TDRD9: variants seen among roughly 807,000 people sequenced by gnomAD.
TDRD9 encodes ATP-dependent RNA helicase TDRD9.
In TDRD9, 124 loss-of-function variants were observed where a neutral mutation model predicts 172.6. The observed-to-expected ratio is 0.72, with a 90% CI of 0.62 to 0.83. The LOEUF (loss-of-function observed/expected upper bound fraction) is 0.83, where lower values mean the gene tolerates loss of function less well. Ranked by LOEUF, TDRD9 falls within the 40% of genes least tolerant of loss-of-function variation. The pLI, the probability that TDRD9 is intolerant of heterozygous loss-of-function variation, is 0.00. For missense variants in TDRD9, 1,479 were observed against 1,714.1 expected (o/e 0.86, Z 2.42); for synonymous variants, 619 against 617.1 (o/e 1.00, Z -0.05).
rs1163448700 is a variant in TDRD9 at position 103,965,548 on chromosome 14, C to T, written c.636C>T (p.Gly212=). 6 of 1,500,580 alleles carry T rather than the reference C, an allele frequency of 4.0e-6. No homozygotes were observed. The Admixed American group carries it at 1.2e-4, about 31-fold the overall frequency. The allele number at this position is 1,500,580 out of a possible 1,614,324, so 93.0% of individuals were successfully genotyped here. ...CCTGGACCCTGGGAGGTGTGGTGGGCTACCAGGTGAGACTGGGAGGGAGGG... is the reference window on the plus strand; with the variant it reads ...CCTGGACCCTGGGAGGTGTGGTGGGTTACCAGGTGAGACTGGGAGGGAGGG... ...ERAWTLGGVV[G]YQVGLEKIAT... Residue 212 remains glycine, a synonymous_variant, in exon 4 of 36, where the codon GGC becomes GGT. Transcript: ENST00000409874.
At chr14:103,946,182 C>G (rs1187956413) in intron 1 of TDRD9, among the ~76,000 whole-genome samples, 1 of 152,004 alleles carries the variant, frequency 6.6e-6, no homozygotes, top group Non-Finnish European at 1.5e-5. Flanking sequence ...GTTGCCCAGG[C>G]TGGTCCTGAA....
intron 1 of TDRD9, among the ~76,000 whole-genome samples, chr14:103,952,208 A>ATATG (rs2031933101): frequency 1.3e-5 from 1 of 75,092 alleles, no homozygotes; most frequent in Non-Finnish European, 2.4e-5. Flanking sequence ...ATATATATAT[A>ATATG]TATATATATA....
At position 103,955,728 on chromosome 14, in the gene TDRD9, G is replaced by A. The variant is rs1448349687; in HGVS notation, c.280G>A (p.Glu94Lys). ...INKYRQLEAQ[E>K]LDVCRSVQPT... ...CAAATACAGACAGCTCGAAGCACAA[G>A]AGCTTGATGTGTGTCGCAGTGTCCA... The change falls in exon 2 of 36, where the codon GAG becomes AAG. Residue 94 changes from glutamate (E) to lysine (K), a missense_variant. Around this residue, in one of 3 missense-constraint regions of TDRD9, gnomAD observed 1,413 missense variants for 1,649.1 expected, o/e 0.86. Transcript: ENST00000409874. 24 of 1,551,324 alleles carry A rather than the reference G, an allele frequency of 1.5e-5. No individual in the cohort carries two copies. The highest frequency in any genetic ancestry group is 2.1e-5 in the Non-Finnish European group (24 of 1,146,860).
At chr14:103,939,676 G>GTTTTTTTTTTTTTTTTTTTTTTTTTTTTT (rs776078510) in intron 1 of TDRD9, 1 of 36,298 alleles carries the variant, frequency 2.8e-5, no homozygotes, top group East Asian at 1.1e-3. Flanking sequence ...AAGTTAGGAG[G>GTTTTTTTTTTTTTTTTTTTTTTTTTTTTT]GTTTTTTTTT....
intron 13 of TDRD9, 78 bp downstream of exon 13, chr14:103,998,806 T>TC (rs1393156556): frequency 2.7e-6 from 2 of 743,214 alleles, no homozygotes; most frequent in Non-Finnish European, 4.6e-6. Context: ...TTTTTTTTTT[T>TC]CTCTGAGACG....
chr14:103,968,141 A>C (rs1052969543), intron 5 of TDRD9, among the ~76,000 whole-genome samples: 1 of 152,166 alleles, frequency 6.6e-6, no homozygotes, highest in Non-Finnish European at 1.5e-5. Context: ...TGTGTTACTG[A>C]CTATATCCTT....
In TDRD9 at chr14:103,955,743, C is replaced by A; in HGVS notation, c.295C>A (p.Arg99Ser). 1.3e-6 allele frequency: 2 copies of A among 1,551,212 alleles called. No individual in the cohort carries two copies. The highest frequency in any genetic ancestry group is 1.2e-5 in the South Asian group (1 of 84,034). The part of the protein sequence containing the change: ...QLEAQELDVC[R>S]SVQPTSGPGP... ...CGAAGCACAAGAGCTTGATGTGTGT[C>A]GCAGTGTCCAACCAACCAGTGGGCC... The change falls in exon 2 of 36, where the codon CGC (arginine) becomes AGC (serine). Residue 99 changes from arginine to serine, a missense_variant. This residue lies in a region of TDRD9 where 1,413 missense variants were observed against 1,649.1 expected (regional missense o/e 0.86). Coordinates refer to ENST00000409874, the MANE Select transcript of TDRD9 (RefSeq NM_153046.3).
At chr14:103,993,580 C>T (rs1473507930) in intron 9 of TDRD9, among the ~76,000 whole-genome samples, 1 of 152,194 alleles carries the variant, frequency 6.6e-6, no homozygotes, top group Non-Finnish European at 1.5e-5. Context: ...TTCTGAGCCT[C>T]TTCCTCTTTC....
intron 8 of TDRD9, among the ~76,000 whole-genome samples, chr14:103,990,914 A>G (rs1595955287): frequency 6.6e-6 from 1 of 152,242 alleles, no homozygotes; most frequent in East Asian, 1.9e-4. Flanking sequence ...AAACTTCTGC[A>G]GATAGTAAGT....
intron 1 of TDRD9, among the ~76,000 whole-genome samples, chr14:103,938,428 A>ATTT (rs1566723213): frequency 2.3e-5 from 1 of 43,480 alleles, no homozygotes; most frequent in African/African-American, 9.8e-5. Flanking sequence ...ATATATATAT[A>ATTT]TATATATATA....
intron 1 of TDRD9, among the ~76,000 whole-genome samples, chr14:103,934,341 GT>G (rs1359375008): frequency 6.6e-6 from 1 of 152,196 alleles, no homozygotes; most frequent in African/African-American, 2.4e-5. Flanking sequence ...CCTTTTGGTC[GT>G]TTAACAGATT....
intron 2 of TDRD9, among the ~76,000 whole-genome samples, chr14:103,961,263 C>G (rs2032494327): frequency 6.6e-6 from 1 of 152,098 alleles, no homozygotes; most frequent in African/African-American, 2.4e-5. Context: ...ACTTGGCAAT[C>G]ACTAGTTAGG....
intron 5 of TDRD9, among the ~76,000 whole-genome samples, chr14:103,967,366 A>AAT: frequency 6.7e-6 from 1 of 150,210 alleles, no homozygotes; most frequent in Non-Finnish European, 1.5e-5. Flanking sequence ...AAAAAAAAAA[A>AAT]AAAAAAAGAT....
At chr14:103,998,250 G>A (rs1407242575) in intron 12 of TDRD9, among the ~76,000 whole-genome samples, 1 of 137,472 alleles carries the variant, frequency 7.3e-6, no homozygotes, top group African/African-American at 2.7e-5. Context: ...CCACCCACAG[G>A]CACACACAGA....
chr14:103,934,833 C>T (rs1316663499), intron 1 of TDRD9, among the ~76,000 whole-genome samples: 1 of 152,172 alleles, frequency 6.6e-6, no homozygotes, highest in Non-Finnish European at 1.5e-5. Flanking sequence ...TTGATGTCCT[C>T]TGTGATGGTT....
intron 28 of TDRD9, among the ~76,000 whole-genome samples, chr14:104,028,248 G>GT (rs1428686432): frequency 6.6e-6 from 1 of 152,102 alleles, no homozygotes; most frequent in Non-Finnish European, 1.5e-5. Flanking sequence ...ACTGTTTTTA[G>GT]TTTTTTGAGT....
chr14:104,046,190 C>T (rs767506797), intron 34 of TDRD9, among the ~76,000 whole-genome samples: 2 of 152,150 alleles, frequency 1.3e-5, no homozygotes, highest in African/African-American at 2.4e-5. Context: ...CTCTTGACGT[C>T]GTGATCTGCC....
chr14:104,019,023 CT>C (rs1199651320), intron 23 of TDRD9, among the ~76,000 whole-genome samples: 1 of 152,150 alleles, frequency 6.6e-6, no homozygotes, highest in East Asian at 1.9e-4. Flanking sequence ...CAAAACCTTC[CT>C]AAGTGCTTTG....
At chr14:103,944,844 C>T (rs540087123) in intron 1 of TDRD9, among the ~76,000 whole-genome samples, 7 of 152,230 alleles carry the variant, frequency 4.6e-5, no homozygotes, top group East Asian at 1.9e-4. Flanking sequence ...GGATTACAGG[C>T]GTGAGCCACC....
Sources: allele counts gnomAD v4.1 joint callset (sites outside exome capture counted in the v4.1 genomes callset), GRCh38; gene constraint gnomAD v4.1.1; regional missense constraint gnomAD v4.1.1; transcripts MANE v1.5; gene names NCBI Gene and HGNC (gene_info 2026-07-23, HGNC 2026-07-21).